KCNT1: variants seen among roughly 807,000 people sequenced by gnomAD.
KCNT1 encodes potassium sodium-activated channel subfamily T member 1.
A neutral mutation model predicts 147.8 loss-of-function variants in KCNT1; 78 were observed. The observed-to-expected ratio is 0.53, with a 90% CI of 0.44 to 0.64. The LOEUF is 0.64. KCNT1 is among the 30% of genes least tolerant of loss of function. The probability of loss-of-function intolerance (pLI) is 0.00; values close to 1 mark genes in which losing one functional copy is unlikely to be tolerated. For synonymous variants in KCNT1, 867 were observed against 748.8 expected, an observed-to-expected ratio of 1.16 and a Z score of -2.58; for missense variants, 1,419 against 1,750.3, an observed-to-expected ratio of 0.81 and a Z score of 3.38.
In KCNT1 at chr9:135,712,745, C is replaced by T. The variant is rs573188008; in HGVS notation, c.111-1832C>T. Reference sequence around the variant, plus strand: ...ACACAACAGCCAAGGATTTTAGCCCCGGCCCTCAGCCAACACAACAGCGAA... The same window carrying T: ...ACACAACAGCCAAGGATTTTAGCCCTGGCCCTCAGCCAACACAACAGCGAA... On this transcript the variant is annotated intron_variant, in intron 1 of 30. Coordinates refer to ENST00000371757, the MANE Select transcript of KCNT1 (RefSeq NM_020822.3). 2.6e-5 allele frequency among the ~76,000 whole-genome samples: 4 copies of T among 152,330 alleles called. No homozygotes were observed. In the South Asian group the frequency reaches 8.3e-4, roughly 32 times the overall value.
At chr9:135,727,744 T>C (rs866948277) in intron 2 of KCNT1, among the ~76,000 whole-genome samples, 4 of 152,218 alleles carry the variant, frequency 2.6e-5, no homozygotes, top group African/African-American at 7.2e-5. Flanking sequence ...GCCTGGATTC[T>C]CCGGACAGAG....
intron 4 of KCNT1, 175 bp from the exon 5 acceptor site, chr9:135,753,762 G>A: frequency 3.1e-6 from 2 of 646,232 alleles, no homozygotes; most frequent in Non-Finnish European, 5.6e-6. Context: ...GCAGTAGGTG[G>A]GGAGGGGGCA....
chr9:135,729,348 C>A (rs1836339075), intron 2 of KCNT1, among the ~76,000 whole-genome samples: 1 of 152,212 alleles, frequency 6.6e-6, no homozygotes, highest in South Asian at 2.1e-4. Context: ...AGAGCAACCC[C>A]CTGCCAGCGG....
intron 18 of KCNT1, 120 bp downstream of exon 18, chr9:135,771,215 G>C (rs1290024004): frequency 7.5e-5 from 66 of 884,052 alleles, no homozygotes. Context: ...GAGGTGACCA[G>C]GTGGGACAGG....
intron 29 of KCNT1, among the ~76,000 whole-genome samples, chr9:135,787,751 C>G (rs1401534624): frequency 6.6e-6 from 1 of 152,222 alleles, no homozygotes; most frequent in Non-Finnish European, 1.5e-5. Context: ...CCTCCATCCC[C>G]ACAGTGTCCC....
At chr9:135,716,631 G>A (rs1835731337) in intron 2 of KCNT1, among the ~76,000 whole-genome samples, 1 of 152,136 alleles carries the variant, frequency 6.6e-6, no homozygotes, top group East Asian at 1.9e-4. Context: ...GGCAGCTACC[G>A]ATTTGCATTC....
chr9:135,765,473 C>T (rs933088706), intron 12 of KCNT1, 151 bp from the exon 13 acceptor site: 47 of 908,566 alleles, frequency 5.2e-5, no homozygotes, highest in Middle Eastern at 3.6e-4. Context: ...AGGGGCCCTG[C>T]GGGGGCCCCT....
chr9:135,765,244 G>T, intron 12 of KCNT1, 49 bp downstream of exon 12: 1 of 1,557,636 alleles, frequency 6.4e-7, no homozygotes. Flanking sequence ...CCGGCCCCTA[G>T]AGACGCCATC....
At chr9:135,720,797 A>G (rs1286509265) in intron 2 of KCNT1, among the ~76,000 whole-genome samples, 1 of 152,164 alleles carries the variant, frequency 6.6e-6, no homozygotes, top group Non-Finnish European at 1.5e-5. Flanking sequence ...GGCAGGACCT[A>G]GGGCACAGGT....
chr9:135,772,580 A>C (rs911935900), intron 18 of KCNT1, 135 bp from the exon 19 acceptor site: 17 of 524,460 alleles, frequency 3.2e-5, no homozygotes, highest in Non-Finnish European at 4.7e-5. Flanking sequence ...CATAGATTGA[A>C]GCTCCTCAGC....
chr9:135,721,836 C>G (rs930362117), intron 2 of KCNT1, among the ~76,000 whole-genome samples: 12 of 152,314 alleles, frequency 7.9e-5, no homozygotes, highest in African/African-American at 2.4e-4. Context: ...TCGCCCTTGT[C>G]TCCTGGGCCC....
Position 135,756,805 on chromosome 9 carries a change from C to T in KCNT1, c.541-68C>T, listed in dbSNP as rs1450582284. 1.7e-5 allele frequency: 22 copies of T among 1,318,780 alleles called. No individual in the cohort carries two copies. The Admixed American group carries it at 3.5e-4, about 21-fold the overall frequency. 81.7% of individuals were successfully genotyped at this position (1,318,780 alleles called of 1,614,324 possible). On this transcript the variant is annotated intron_variant, in intron 6 of 30. Transcript: ENST00000371757. ...CTTTGTGTGGTACCTGCCCGCGAGG[C>T]CTGTGGGGTCAGGCCCCAGCCCCAG...
intron 2 of KCNT1, among the ~76,000 whole-genome samples, chr9:135,746,470 C>T (rs116781425): frequency 7.9e-5 from 12 of 152,352 alleles, no homozygotes; most frequent in African/African-American, 2.6e-4. Context: ...CTCGACCCCA[C>T]GGTGTCTGGG....
In KCNT1 at chr9:135,730,879, G is replaced by T. The variant is rs1373985247; in HGVS notation, c.254+16159G>T. 1.3e-5 allele frequency among the ~76,000 whole-genome samples: 2 copies of T among 151,276 alleles called. No homozygotes were observed. The highest frequency in any genetic ancestry group is 2.9e-5 in the Non-Finnish European group (2 of 67,906). On this transcript the variant is annotated intron_variant, in intron 2 of 30. Coordinates refer to ENST00000371757, the MANE Select transcript of KCNT1 (RefSeq NM_020822.3). This position sits in a 1 kb window ranked among gnomAD's most constrained non-coding sequence, Gnocchi z 4.7. ...TGCATGCCTGTAGTCCCAGCTACTT[G>T]GGAAGCTGAGGCAGGAGGATCACTT...
chr9:135,777,375 AC>A lies in KCNT1; in HGVS notation c.2388del (p.Tyr796Ter), dbSNP rs773046925. 1 of 1,614,070 alleles carries A rather than the reference AC, an allele frequency of 6.2e-7. No individual in the cohort carries two copies. Among genetic ancestry groups the A allele is most frequent in the South Asian group, 1.1e-5 (1 of 91,086 alleles). The part of the protein sequence containing the change: ...KHNSYEDAKA[Y>X]GFKNKLIIVS... The stretch of plus-strand genomic sequence containing the variant: ...AACAGCTATGAAGACGCCAAGGCCT[AC>A]GGGTTCAAGAACAAGCTGATCATCG... On this transcript the variant is annotated frameshift_variant, in exon 21 of 31. Coordinates refer to ENST00000371757, the MANE Select transcript of KCNT1 (RefSeq NM_020822.3). LOFTEE classifies it high-confidence loss of function.
chr9:135,789,810 G>A (rs997848882), intron 29 of KCNT1: 5 of 152,402 alleles, frequency 3.3e-5, no homozygotes, highest in Non-Finnish European at 4.4e-5. Flanking sequence ...ACATGCACCA[G>A]AAGAGCCAAA....
chr9:135,759,465 C>T (rs899480915), intron 10 of KCNT1, among the ~76,000 whole-genome samples: 2 of 152,218 alleles, frequency 1.3e-5, no homozygotes, highest in East Asian at 1.9e-4. Flanking sequence ...TGTCAGCCAG[C>T]GTCAGGCAGG....
chr9:135,765,777 G>A lies in KCNT1; in HGVS notation c.1337+17G>A, dbSNP rs780243563. On this transcript the variant is annotated intron_variant, in intron 13 of 30. Transcript: ENST00000371757. ...GCGAGCCAAGTGAGTGCTGGTGGGC[G>A]GAGGGGGTGGCATGGGGGCACCTTC... is the stretch of plus-strand genomic sequence containing the variant. The A allele has an allele frequency of 2.6e-5, 41 of 1,581,384 alleles. No individual in the cohort carries two copies. The highest frequency in any genetic ancestry group is 6.8e-5 in the Admixed American group (4 of 58,798).
In KCNT1 at chr9:135,732,006, A is replaced by AGG. The variant is rs1232035513; in HGVS notation, c.254+17287_254+17288insGG. ...TATATATATATAGAGAGAGAGAGAG[A>AGG]GAGAGAGAGAGAGAGAGAGAGAGAG... On this transcript the variant is annotated intron_variant, in intron 2 of 30. Transcript: ENST00000371757. Among the ~76,000 whole-genome samples the AGG allele has an allele frequency of 9.1e-4, 75 of 82,006 alleles. 3 individuals carry two copies. Among genetic ancestry groups the AGG allele is most frequent in the African/African-American group, 2.4e-3 (52 of 22,126 alleles). The allele number at this position is 82,006 out of a possible 152,430, so 53.8% of individuals were successfully genotyped here.
Sources: allele counts gnomAD v4.1 joint callset (sites outside exome capture counted in the v4.1 genomes callset), GRCh38; gene constraint gnomAD v4.1.1; non-coding constraint Gnocchi (gnomAD v3.1); transcripts MANE v1.5; gene names NCBI Gene and HGNC (gene_info 2026-07-23, HGNC 2026-07-21).